The following ARHGEF6 variants were observed in gnomAD, a reference collection of about 807,000 sequenced individuals.
ARHGEF6 encodes Rac/Cdc42 guanine nucleotide exchange factor 6.
ARHGEF6 carries 9 observed loss-of-function variants against 70.3 expected under a neutral mutation model. The observed-to-expected ratio is 0.13, with a 90% CI of 0.08 to 0.22. ARHGEF6 has a LOEUF of 0.22. Ranked by LOEUF, ARHGEF6 falls within the 10% of genes least tolerant of loss-of-function variation. ARHGEF6 has a pLI of 1.00. For synonymous variants in ARHGEF6, 201 were observed against 207.8 expected (o/e 0.97, Z 0.28); for missense variants, 470 against 563.0 (o/e 0.83, Z 1.67).
At chrX:136,704,184 C>A (rs1469143599) in intron 9 of ARHGEF6, among the ~76,000 whole-genome samples, 1 of 112,301 alleles carries the variant, frequency 8.9e-6, no homozygotes, top group African/African-American at 3.2e-5. Flanking sequence ...TGCGCAACAT[C>A]ACTAGCCATT....
intron 2 of ARHGEF6, chrX:136,767,917 G>A (rs181059955): frequency 2.4e-4 from 118 of 490,015 alleles, no homozygotes; most frequent in Admixed American, 3.5e-4. Context: ...ACCCGCGGCG[G>A]CCACACTGCG....
rs1656879576 is a variant in ARHGEF6 at position 136,685,791 on chromosome X, C to T, written c.1278G>A (p.Gln426=). The change falls in exon 12 of 22, where the codon CAG becomes CAA. Residue 426 remains glutamine (Q), a synonymous_variant. Coordinates refer to ENST00000250617, the MANE Select transcript of ARHGEF6 (RefSeq NM_004840.3). The part of the protein sequence containing the change: ...GQCQDLRKRK[Q]LELQILSEPI... ...GTTCGGACAGTATCTGTAACTCCAG[C>T]TGTTTTCTCTTCCTCAGATCTTGAC... The T allele has an allele frequency of 8.3e-7, 1 of 1,209,401 alleles. No homozygotes were observed. The highest frequency in any genetic ancestry group is 1.8e-5 in the South Asian group (1 of 56,792).
chrX:136,746,729 G>A (rs1457529937), intron 3 of ARHGEF6, among the ~76,000 whole-genome samples: 1 of 111,349 alleles, frequency 9.0e-6, no homozygotes, highest in Non-Finnish European at 1.9e-5. Context: ...CCAACTCAGC[G>A]ACTAACTTTC....
At chrX:136,707,127 A>C in intron 8 of ARHGEF6, 97 bp from the exon 9 acceptor site, 11 of 1,047,460 alleles carry the variant, frequency 1.1e-5, no homozygotes, top group Non-Finnish European at 1.5e-5. Flanking sequence ...AAGCCTTCTG[A>C]ATATTTTGCC....
At chrX:136,687,395 A>G (rs148164397) in intron 11 of ARHGEF6, among the ~76,000 whole-genome samples, 66 of 112,574 alleles carry the variant, frequency 5.9e-4, no homozygotes, top group African/African-American at 2.1e-3. Context: ...CAGTGGGTTC[A>G]AGAAGATACA....
intron 2 of ARHGEF6, among the ~76,000 whole-genome samples, chrX:136,766,005 C>T (rs1024638556): frequency 8.9e-6 from 1 of 112,935 alleles, no homozygotes; most frequent in African/African-American, 3.2e-5. Context: ...GCTCTAAGCA[C>T]ACCCAAAGAG....
chrX:136,688,073 T>C, intron 10 of ARHGEF6, 82 bp from the exon 11 acceptor site: 5 of 734,495 alleles, frequency 6.8e-6, no homozygotes, highest in East Asian at 3.2e-5. Flanking sequence ...AAAGAGAGTA[T>C]GGCCACAAAG....
intron 2 of ARHGEF6, among the ~76,000 whole-genome samples, chrX:136,765,568 G>C (rs2077305537): frequency 8.9e-6 from 1 of 112,595 alleles, no homozygotes; most frequent in African/African-American, 3.2e-5. Context: ...CACAAGCAAA[G>C]ACAAGGCTGA....
Position 136,682,729 on chromosome X carries a change from G to A in ARHGEF6, c.1479+29C>T, listed in dbSNP as rs373219760. On this transcript the variant is annotated intron_variant, in intron 13 of 21. Coordinates refer to ENST00000250617, the MANE Select transcript of ARHGEF6 (RefSeq NM_004840.3). Reference sequence around the variant, plus strand: ...GAAACCTGTTTTCGTTAGGGGGTCTGCTATGTGTTTTATATGAAATTTACT... The same window carrying A: ...GAAACCTGTTTTCGTTAGGGGGTCTACTATGTGTTTTATATGAAATTTACT... 140 of 1,141,961 alleles carry A rather than the reference G, an allele frequency of 1.2e-4. 1 individual carries two copies. Among genetic ancestry groups the A allele is most frequent in the Middle Eastern group, 9.5e-4 (4 of 4,208 alleles). 94.1% of individuals were successfully genotyped at this position (1,141,961 alleles called of 1,213,427 possible).
At chrX:136,738,276 C>T (rs868363227) in intron 5 of ARHGEF6, among the ~76,000 whole-genome samples, 1 of 111,419 alleles carries the variant, frequency 9.0e-6, no homozygotes, top group Middle Eastern at 4.6e-3. Flanking sequence ...AATCTTCAGA[C>T]CTATGACTCG....
intron 11 of ARHGEF6, among the ~76,000 whole-genome samples, chrX:136,686,735 T>TATATATCTCA (rs1389734702): frequency 1.1e-5 from 1 of 92,290 alleles, no homozygotes; most frequent in Non-Finnish European, 2.1e-5. Flanking sequence ...TATATATATA[T>TATATATCTCA]ATCTCACTGC....
At chrX:136,725,383 C>T (rs921819399) in intron 6 of ARHGEF6, among the ~76,000 whole-genome samples, 2 of 95,857 alleles carry the variant, frequency 2.1e-5, no homozygotes, top group East Asian at 3.9e-4. Context: ...CAAAAAAAAA[C>T]GTGAGTAGTA....
chrX:136,741,402 A>G (rs1030984514), intron 5 of ARHGEF6, among the ~76,000 whole-genome samples: 5 of 111,866 alleles, frequency 4.5e-5, no homozygotes, highest in African/African-American at 1.6e-4. Flanking sequence ...TCCCTAGCTT[A>G]CTTTATTATA....
intron 2 of ARHGEF6, among the ~76,000 whole-genome samples, chrX:136,765,929 T>A (rs1459858114): frequency 8.9e-6 from 1 of 112,765 alleles, no homozygotes; most frequent in Non-Finnish European, 1.9e-5. Context: ...GGAAATTTAC[T>A]TTGTTCAAAA....
intron 7 of ARHGEF6, 62 bp from the exon 8 acceptor site, chrX:136,708,832 A>T: frequency 1.2e-6 from 1 of 857,673 alleles, no homozygotes; most frequent in South Asian, 2.1e-5. Context: ...ATAGTTTGCT[A>T]ATATATGGTA....
At chrX:136,686,718 A>G (rs2076405693) in intron 11 of ARHGEF6, among the ~76,000 whole-genome samples, 1 of 77,456 alleles carries the variant, frequency 1.3e-5, no homozygotes, top group Non-Finnish European at 2.2e-5. Context: ...ACATATATAT[A>G]TATATATATA....
chrX:136,706,812 A>T (rs1008406600), intron 9 of ARHGEF6, 96 bp downstream of exon 9: 4 of 1,041,780 alleles, frequency 3.8e-6, no homozygotes, highest in Non-Finnish European at 5.4e-6. Flanking sequence ...ATGAACAGGG[A>T]TAATCAAGAG....
At chrX:136,760,585 C>G (rs1305518373) in intron 2 of ARHGEF6, among the ~76,000 whole-genome samples, 1 of 112,453 alleles carries the variant, frequency 8.9e-6, no homozygotes, top group Non-Finnish European at 1.9e-5. Flanking sequence ...TAACAAAATG[C>G]CTTCCTTTTG....
chrX:136,774,530 A>G (rs1388260954), intron 2 of ARHGEF6, among the ~76,000 whole-genome samples: 1 of 107,811 alleles, frequency 9.3e-6, no homozygotes, highest in East Asian at 2.9e-4. Context: ...GCGTGCCTGT[A>G]ATCCCAGCTA....
Sources: allele counts gnomAD v4.1 joint callset (sites outside exome capture counted in the v4.1 genomes callset), GRCh38; gene constraint gnomAD v4.1.1; transcripts MANE v1.5; gene names NCBI Gene and HGNC (gene_info 2026-07-23, HGNC 2026-07-21).